The following OXR1 variants were observed in gnomAD, a reference collection of about 807,000 sequenced individuals.
OXR1 encodes the protein oxidation resistance 1, also known as oxidation resistance protein 1.
A neutral mutation model predicts 104.6 loss-of-function variants in OXR1; 41 were observed. The ratio of observed to expected loss-of-function variants is 0.39; its 90% CI spans 0.31 to 0.51. OXR1 has a LOEUF of 0.51. OXR1 is among the 20% of genes least tolerant of loss of function. The pLI is 0.77. For missense variants in OXR1, 955 were observed against 1,031.9 expected (o/e 0.93, Z 1.02); for synonymous variants, 348 against 348.4 (o/e 1.00, Z 0.01).
At chr8:106,559,378 A>T (rs1353896820) in intron 3 of OXR1, among the ~76,000 whole-genome samples, 2 of 152,182 alleles carry the variant, frequency 1.3e-5, no homozygotes, top group Non-Finnish European at 2.9e-5. Context: ...CTAAGCCCTC[A>T]ACAAAATCAT....
chr8:106,752,041 A>G lies in OXR1; in HGVS notation c.*1100A>G, dbSNP rs1835921559. ...AAAAAATGAAAAGATAGAATACACT[A>G]GTAGTTCTTATCCTCTTTTGTAGGA... is the stretch of plus-strand genomic sequence containing the variant. On this transcript the variant is annotated 3_prime_UTR_variant, in exon 17 of 17. Transcript: ENST00000517566. 2 of 152,556 alleles carry G rather than the reference A, an allele frequency of 1.3e-5. No individual in the cohort carries two copies. The highest frequency in any genetic ancestry group is 2.9e-5 in the Non-Finnish European group (2 of 67,970). 9.5% of individuals were successfully genotyped at this position (152,556 alleles called of 1,614,324 possible). A position where few individuals can be genotyped will look rare whatever the true frequency, so the allele number is the denominator to read the frequency against.
chr8:106,634,410 A>G (rs1438278378), intron 3 of OXR1, among the ~76,000 whole-genome samples: 1 of 152,208 alleles, frequency 6.6e-6, no homozygotes, highest in Non-Finnish European at 1.5e-5. Context: ...TTATAGTAGC[A>G]TATATTTATT....
At chr8:106,595,675 C>T (rs1385723872) in intron 3 of OXR1, among the ~76,000 whole-genome samples, 1 of 151,990 alleles carries the variant, frequency 6.6e-6, no homozygotes, top group Non-Finnish European at 1.5e-5. Context: ...GTCACTTTTA[C>T]CAGCATGGAA....
At chr8:106,637,856 G>A (rs2130924464) in intron 3 of OXR1, among the ~76,000 whole-genome samples, 1 of 151,348 alleles carries the variant, frequency 6.6e-6, no homozygotes, top group Non-Finnish European at 1.5e-5. Flanking sequence ...CTGCCTCCCG[G>A]GTTCACGCCA....
chr8:106,694,841 T>C (rs1158879386), intron 7 of OXR1, among the ~76,000 whole-genome samples: 1 of 121,034 alleles, frequency 8.3e-6, no homozygotes, highest in African/African-American at 3.3e-5. Flanking sequence ...ATATATAATA[T>C]ATATATTTAA....
intron 1 of OXR1, among the ~76,000 whole-genome samples, chr8:106,316,450 C>T (rs891632045): frequency 6.6e-6 from 1 of 152,120 alleles, no homozygotes; most frequent in African/African-American, 2.4e-5. Flanking sequence ...TTACATTTTG[C>T]ATTTATCTGC....
At chr8:106,380,376 G>A (rs1291971229) in intron 2 of OXR1, among the ~76,000 whole-genome samples, 1 of 152,068 alleles carries the variant, frequency 6.6e-6, no homozygotes, top group Non-Finnish European at 1.5e-5. Context: ...TCAATGGAGG[G>A]ACATTTGGGT....
intron 3 of OXR1, among the ~76,000 whole-genome samples, chr8:106,660,325 T>G (rs1825632027): frequency 6.6e-6 from 1 of 152,232 alleles, no homozygotes; most frequent in African/African-American, 2.4e-5. Context: ...TTCTTTGTGT[T>G]TGTGTCCTTT....
At chr8:106,497,579 T>C (rs1279535079) in intron 2 of OXR1, among the ~76,000 whole-genome samples, 4 of 152,200 alleles carry the variant, frequency 2.6e-5, no homozygotes, top group Admixed American at 2.6e-4. Flanking sequence ...GTTTTATTAC[T>C]TCACACTTTT....
intron 1 of OXR1, among the ~76,000 whole-genome samples, chr8:106,316,523 T>C (rs1373219985): frequency 6.6e-6 from 1 of 152,220 alleles, no homozygotes; most frequent in Non-Finnish European, 1.5e-5. Context: ...ATTTTTTCTT[T>C]TTACAAATGA....
At chr8:106,539,989 T>G (rs1343253051) in intron 3 of OXR1, among the ~76,000 whole-genome samples, 1 of 152,196 alleles carries the variant, frequency 6.6e-6, no homozygotes, top group Non-Finnish European at 1.5e-5. Context: ...TTTATAAAAT[T>G]GACTCAAATG....
At chr8:106,714,397 G>A (rs1832027484) in intron 11 of OXR1, among the ~76,000 whole-genome samples, 1 of 152,092 alleles carries the variant, frequency 6.6e-6, no homozygotes, top group East Asian at 1.9e-4. Context: ...TAACACATCT[G>A]TGCATAGTAT....
chr8:106,464,363 G>A (rs1400762601), intron 2 of OXR1, among the ~76,000 whole-genome samples: 1 of 151,966 alleles, frequency 6.6e-6, no homozygotes, highest in East Asian at 1.9e-4. Context: ...GGAAATCCAA[G>A]TTGTCTATTC....
intron 2 of OXR1, among the ~76,000 whole-genome samples, chr8:106,473,774 T>C (rs1402741303): frequency 6.6e-6 from 1 of 151,108 alleles, no homozygotes; most frequent in Non-Finnish European, 1.5e-5. Flanking sequence ...GGGACAGTAG[T>C]TTTAGTTTTG....
intron 1 of OXR1, among the ~76,000 whole-genome samples, chr8:106,339,535 TATATATATA>T (rs1815145413): frequency 5.7e-5 from 5 of 87,728 alleles, no homozygotes; most frequent in East Asian, 2.6e-4. Flanking sequence ...TATATATATA[TATATATATA>T]TATATATATA....
At chr8:106,352,614 A>G (rs1002330955) in intron 1 of OXR1, among the ~76,000 whole-genome samples, 2 of 152,240 alleles carry the variant, frequency 1.3e-5, no homozygotes, top group African/African-American at 2.4e-5. Context: ...AGGTAAATCC[A>G]TTCAATGAAA....
In OXR1 at chr8:106,288,564, T is replaced by A. The variant is rs889221170; in HGVS notation, c.-139+18197T>A. Among the ~76,000 whole-genome samples, 3 of 147,340 alleles carry A rather than the reference T, an allele frequency of 2.0e-5. No individual in the cohort carries two copies. In the South Asian group the frequency reaches 6.3e-4, roughly 31 times the overall value. On this transcript the variant is annotated intron_variant, in intron 1 of 16. Coordinates refer to ENST00000517566, the MANE Select transcript of OXR1 (RefSeq NM_001198533.2). ...TGTGTATATATATATAGTGTGTATA[T>A]ATATGGTGTGTATATGTATATACAC...
At chr8:106,305,751 T>G (rs7842556) in intron 1 of OXR1, among the ~76,000 whole-genome samples, 33,433 of 151,990 alleles carry the variant, frequency 0.22, 5,447 homozygotes, top group African/African-American at 0.46. Context: ...TATCTAAGAT[T>G]CAATTTCTGT....
chr8:106,678,665 G>A (rs1827837753), intron 3 of OXR1, among the ~76,000 whole-genome samples: 2 of 151,942 alleles, frequency 1.3e-5, no homozygotes, highest in African/African-American at 2.4e-5. Context: ...CAATCTGAAA[G>A]TAAATGTTCA....
Sources: allele counts gnomAD v4.1 joint callset (sites outside exome capture counted in the v4.1 genomes callset), GRCh38; gene constraint gnomAD v4.1.1; transcripts MANE v1.5; gene names NCBI Gene and HGNC (gene_info 2026-07-23, HGNC 2026-07-21).